HSD17B12: variants seen among roughly 807,000 people sequenced by gnomAD.
The protein encoded by HSD17B12 is very-long-chain 3-oxoacyl-CoA reductase.
HSD17B12 carries 32 observed loss-of-function variants against 39.3 expected under a neutral mutation model. That is an observed-to-expected ratio of 0.81 (90% CI 0.61 to 1.09). The LOEUF (loss-of-function observed/expected upper bound fraction) is 1.09, where lower values mean the gene tolerates loss of function less well. HSD17B12 is among the 50% of genes least tolerant of loss of function. The pLI is 0.00. For missense variants in HSD17B12, 342 were observed against 382.9 expected, an observed-to-expected ratio of 0.89 and a Z score of 0.89; for synonymous variants, 150 against 146.7, an observed-to-expected ratio of 1.02 and a Z score of -0.16.
chr11:43,760,319 G>A (rs1950545248), intron 3 of HSD17B12, among the ~76,000 whole-genome samples: 1 of 152,000 alleles, frequency 6.6e-6, no homozygotes, highest in Non-Finnish European at 1.5e-5. Context: ...CAAAGTGCTG[G>A]GCTTATACAT....
intron 1 of HSD17B12, among the ~76,000 whole-genome samples, chr11:43,724,355 G>A (rs1950202497): frequency 1.3e-5 from 2 of 151,976 alleles, no homozygotes; most frequent in African/African-American, 2.4e-5. Flanking sequence ...GTTACCATAT[G>A]TGGCAGAAAG....
At chr11:43,693,904 A>G (rs1055354055) in intron 1 of HSD17B12, among the ~76,000 whole-genome samples, 1 of 152,110 alleles carries the variant, frequency 6.6e-6, no homozygotes, top group African/African-American at 2.4e-5. Context: ...TGCACATCCA[A>G]TCTTATAATT....
the HSD17B12 span, chr11:43,581,349 A>G: frequency 2.1e-6 from 1 of 478,344 alleles, no homozygotes; most frequent in South Asian, 1.5e-5. The surrounding 1 kb of genome is among the most constrained non-coding windows in gnomAD (Gnocchi z 4.9). Flanking sequence ...GTTCGGAGAC[A>G]TCCTGGGCTG....
intron 3 of HSD17B12, among the ~76,000 whole-genome samples, chr11:43,770,094 G>C (rs1161240597): frequency 6.6e-6 from 1 of 152,144 alleles, no homozygotes; most frequent in East Asian, 1.9e-4. Flanking sequence ...TTGATCCCCA[G>C]TGTCTTCCTG....
chr11:43,750,843 G>T, intron 1 of HSD17B12, 68 bp from the exon 2 acceptor site: 1 of 1,023,374 alleles, frequency 9.8e-7, no homozygotes, highest in African/African-American at 1.6e-5. Flanking sequence ...GTAATTGGTG[G>T]GTCCTAACTA....
chr11:43,822,782 C>T (rs1275734019), intron 6 of HSD17B12, among the ~76,000 whole-genome samples: 2 of 152,236 alleles, frequency 1.3e-5, no homozygotes, highest in South Asian at 4.1e-4. Flanking sequence ...AATAGTGCCA[C>T]AATAAACATA....
chr11:43,709,283 A>G (rs1188230160), intron 1 of HSD17B12, among the ~76,000 whole-genome samples: 1 of 152,096 alleles, frequency 6.6e-6, no homozygotes, highest in Non-Finnish European at 1.5e-5. Flanking sequence ...GCACCACCAC[A>G]CCTGGCTAAG....
chr11:43,797,775 A>G (rs1164652758), intron 3 of HSD17B12, among the ~76,000 whole-genome samples: 1 of 152,180 alleles, frequency 6.6e-6, no homozygotes. Flanking sequence ...ATTACTGTGC[A>G]TTTTGTGTGG....
At chr11:43,560,047 T>C in the HSD17B12 span, among the ~76,000 whole-genome samples, 1 of 152,316 alleles carries the variant, frequency 6.6e-6, no homozygotes, top group African/African-American at 2.4e-5. Context: ...CTGTTTTTCA[T>C]GTGGTGCTAA....
At chr11:43,823,329 G>A (rs1047667664) in intron 6 of HSD17B12, among the ~76,000 whole-genome samples, 12 of 152,052 alleles carry the variant, frequency 7.9e-5, no homozygotes, top group Non-Finnish European at 1.6e-4. Flanking sequence ...GGAGTGCAGT[G>A]ACACTATCAT....
intron 1 of HSD17B12, among the ~76,000 whole-genome samples, chr11:43,706,313 G>C (rs1037621038): frequency 6.6e-6 from 1 of 152,334 alleles, no homozygotes; most frequent in East Asian, 1.9e-4. Flanking sequence ...GGAGGCCGAG[G>C]TGGGCAGATC....
In HSD17B12 at chr11:43,680,769, C is replaced by G. The variant is rs1417122657; in HGVS notation, c.-59C>G. 3 of 1,510,100 alleles carry G rather than the reference C, an allele frequency of 2.0e-6. No individual in the cohort carries two copies. The highest frequency in any genetic ancestry group is 1.4e-5 in the African/African-American group (1 of 72,958). 93.5% of individuals were successfully genotyped at this position (1,510,100 alleles called of 1,614,324 possible). A position where few individuals can be genotyped will look rare whatever the true frequency, so the allele number is the denominator to read the frequency against. On this transcript the variant is annotated 5_prime_UTR_variant, in exon 1 of 11. Coordinates refer to ENST00000278353, the MANE Select transcript of HSD17B12 (RefSeq NM_016142.3). ...CTCACCGTCACGGCCGGCGCCTCCT[C>G]CTGGATTCATTCACTCGCTCTTTTC...
intron 3 of HSD17B12, among the ~76,000 whole-genome samples, chr11:43,768,978 A>C (rs1950624697): frequency 6.6e-6 from 1 of 152,198 alleles, no homozygotes; most frequent in Non-Finnish European, 1.5e-5. Context: ...GCTAGACAGA[A>C]AAGTTCACGA....
chr11:43,621,444 G>A, the HSD17B12 span, among the ~76,000 whole-genome samples: 2 of 152,158 alleles, frequency 1.3e-5, no homozygotes, highest in African/African-American at 2.4e-5. Context: ...GCTGGGCACA[G>A]TGGCTCACAC....
At chr11:43,619,247 T>TATATATATATGATATATATATAAA in the HSD17B12 span, among the ~76,000 whole-genome samples, 17 of 50,242 alleles carry the variant, frequency 3.4e-4, no homozygotes, top group South Asian at 3.4e-3. Context: ...ATATATAAAA[T>TATATATATATGATATATATATAAA]ATATATATAT....
intron 1 of HSD17B12, among the ~76,000 whole-genome samples, chr11:43,716,131 A>C (rs1246721423): frequency 6.6e-6 from 1 of 152,200 alleles, no homozygotes; most frequent in African/African-American, 2.4e-5. Context: ...ACTTTTTAAC[A>C]AACCCGTAGA....
intron 1 of HSD17B12, among the ~76,000 whole-genome samples, chr11:43,698,451 T>G (rs915206820): frequency 1.3e-5 from 2 of 152,210 alleles, no homozygotes; most frequent in African/African-American, 4.8e-5. Context: ...AAATGTTATT[T>G]TTTAATAAGT....
intron 4 of HSD17B12, chr11:43,806,319 T>C (rs1488983056): frequency 3.3e-5 from 5 of 152,196 alleles, no homozygotes; most frequent in African/African-American, 1.2e-4. Flanking sequence ...TCCTGGGTCA[T>C]CTTGATTCCA....
At chr11:43,573,856 T>A in the HSD17B12 span, among the ~76,000 whole-genome samples, 1 of 152,158 alleles carries the variant, frequency 6.6e-6, no homozygotes, top group Non-Finnish European at 1.5e-5. Flanking sequence ...TAGCCTGACA[T>A]TTTCATTAAT....
Sources: allele counts gnomAD v4.1 joint callset (sites outside exome capture counted in the v4.1 genomes callset), GRCh38; gene constraint gnomAD v4.1.1; non-coding constraint Gnocchi (gnomAD v3.1); transcripts MANE v1.5; gene names NCBI Gene and HGNC (gene_info 2026-07-23, HGNC 2026-07-21).